LRRTM3: variants seen among roughly 807,000 people sequenced by gnomAD.
LRRTM3 encodes leucine rich repeat transmembrane neuronal 3, also known as leucine-rich repeat transmembrane neuronal protein 3.
Under a neutral mutation model 44.7 loss-of-function variants are expected in LRRTM3, and 24 were observed. The observed-to-expected ratio is 0.54, with a 90% confidence interval of 0.39 to 0.76. The LOEUF is 0.76. LRRTM3 is among the 30% of genes least tolerant of loss of function. The pLI, the probability that LRRTM3 is intolerant of heterozygous loss-of-function variation, is 0.00. For missense variants in LRRTM3, 587 were observed against 702.2 expected (o/e 0.84, Z 1.85); for synonymous variants, 277 against 278.7 (o/e 0.99, Z 0.06).
At chr10:66,928,613 T>C (rs910624164) in intron 2 of LRRTM3, among the ~76,000 whole-genome samples, 161 bp downstream of exon 2, 1 of 152,158 alleles carries the variant, frequency 6.6e-6, no homozygotes, top group Non-Finnish European at 1.5e-5. Flanking sequence ...AGTGCATTCA[T>C]AATACTGGTC....
At chr10:67,016,503 G>T (rs1409430450) in intron 2 of LRRTM3, among the ~76,000 whole-genome samples, 1 of 152,138 alleles carries the variant, frequency 6.6e-6, no homozygotes, top group African/African-American at 2.4e-5. Flanking sequence ...GTAGAGAATA[G>T]AACGAGGTTG....
chr10:66,932,966 A>C (rs1847492329), intron 2 of LRRTM3, among the ~76,000 whole-genome samples: 1 of 152,236 alleles, frequency 6.6e-6, no homozygotes, highest in Admixed American at 6.5e-5. Flanking sequence ...TCACAGGTAC[A>C]TTTCCTGGCT....
intron 2 of LRRTM3, among the ~76,000 whole-genome samples, chr10:67,074,444 G>A (rs1329523470): frequency 3.6e-5 from 5 of 136,998 alleles, no homozygotes; most frequent in African/African-American, 5.5e-5. Context: ...TCCACCTCCC[G>A]GGTTCACGCC....
intron 2 of LRRTM3, among the ~76,000 whole-genome samples, chr10:67,075,723 G>T (rs956092790): frequency 2.6e-5 from 4 of 152,176 alleles, no homozygotes; most frequent in Non-Finnish European, 5.9e-5. Flanking sequence ...TGAACTGTGG[G>T]TTCACTAAAA....
intron 2 of LRRTM3, among the ~76,000 whole-genome samples, chr10:66,941,988 C>A (rs1438060365): frequency 6.6e-6 from 1 of 152,104 alleles, no homozygotes; most frequent in Non-Finnish European, 1.5e-5. Flanking sequence ...ACTTCGAATC[C>A]ACTAGACCTG....
At chr10:66,932,750 T>C (rs536061581) in intron 2 of LRRTM3, among the ~76,000 whole-genome samples, 2 of 152,210 alleles carry the variant, frequency 1.3e-5, no homozygotes, top group Non-Finnish European at 2.9e-5. Flanking sequence ...CTAATCATAA[T>C]AGCCTACAGA....
intron 2 of LRRTM3, among the ~76,000 whole-genome samples, chr10:67,075,448 C>T (rs1394092293): frequency 6.6e-6 from 1 of 151,966 alleles, no homozygotes; most frequent in African/African-American, 2.4e-5. Context: ...GGTCTGGGCA[C>T]AAGTAGGACA....
At chr10:66,933,222 G>C (rs1847508294) in intron 2 of LRRTM3, among the ~76,000 whole-genome samples, 2 of 152,310 alleles carry the variant, frequency 1.3e-5, no homozygotes, top group Admixed American at 1.3e-4. Flanking sequence ...TAGAAGTCTA[G>C]AACATCGTCT....
At chr10:66,971,068 G>GA (rs950892382) in intron 2 of LRRTM3, among the ~76,000 whole-genome samples, 3 of 151,622 alleles carry the variant, frequency 2.0e-5, no homozygotes, top group Admixed American at 6.6e-5. Context: ...CATCTTAAAG[G>GA]AAAAAAAATG....
intron 2 of LRRTM3, chr10:67,052,550 ACATTTG>A (rs1044480569): frequency 6.6e-6 from 1 of 152,194 alleles, no homozygotes; most frequent in Admixed American, 6.5e-5. Context: ...ATTATCATAA[ACATTTG>A]TATTTCTTAT....
At chr10:67,038,943 T>A (rs949132631) in intron 2 of LRRTM3, among the ~76,000 whole-genome samples, 21 of 152,164 alleles carry the variant, frequency 1.4e-4, no homozygotes, top group African/African-American at 4.8e-4. Flanking sequence ...ATGTAAAAAA[T>A]AGTCTTTTGA....
At chr10:67,030,242 C>A (rs765697443) in intron 2 of LRRTM3, among the ~76,000 whole-genome samples, 24 of 152,166 alleles carry the variant, frequency 1.6e-4, no homozygotes, top group Non-Finnish European at 3.4e-4. Context: ...GCATTCTGCT[C>A]TACATAATGG....
rs775674319 is a variant in LRRTM3, at chr10:66,927,266, G to A, written c.350G>A (p.Ser117Asn). 2.6e-5 allele frequency: 42 copies of A among 1,613,824 alleles called. No homozygotes were observed. Among genetic ancestry groups the A allele is most frequent in the Admixed American group, 5.0e-5 (3 of 59,994 alleles). The change falls in exon 2 of 3, where the codon AGT (serine) becomes AAT (asparagine). Residue 117 changes from serine to asparagine, a missense_variant. By Grantham distance (46) the Ser-to-Asn change is conservative (BLOSUM62 1). Transcript: ENST00000361320. This position sits in a 1 kb window ranked among gnomAD's most constrained non-coding sequence, Gnocchi z 4.7. ...GIRRLKELIL[S>N]SNRISYFLNN... is the part of the protein sequence containing the mutation. ...CGCAGACTCAAAGAGCTGATTCTTA[G>A]TTCCAATAGAATCTCCTATTTTCTT...
chr10:67,069,180 C>T (rs1458011210), intron 2 of LRRTM3, among the ~76,000 whole-genome samples: 1 of 151,968 alleles, frequency 6.6e-6, no homozygotes, highest in Non-Finnish European at 1.5e-5. Flanking sequence ...GCTATAGTCT[C>T]AAACTTGATT....
intron 2 of LRRTM3, among the ~76,000 whole-genome samples, chr10:67,071,513 T>C (rs1372905417): frequency 5.9e-4 from 22 of 37,478 alleles, no homozygotes; most frequent in Admixed American, 4.4e-3. Context: ...GTTTTTTTTG[T>C]TTGTTTGTTT....
intron 2 of LRRTM3, among the ~76,000 whole-genome samples, chr10:67,069,713 A>C (rs1856330391): frequency 6.6e-6 from 1 of 152,094 alleles, no homozygotes; most frequent in Non-Finnish European, 1.5e-5. Flanking sequence ...GTCTCACTCA[A>C]CATTATGTTT....
At chr10:67,011,724 T>C (rs1479782966) in intron 2 of LRRTM3, among the ~76,000 whole-genome samples, 1 of 152,220 alleles carries the variant, frequency 6.6e-6, no homozygotes, top group African/African-American at 2.4e-5. Flanking sequence ...AAGCACTTTA[T>C]ATGTATGAAC....
At chr10:67,035,301 T>C (rs1853977352) in intron 2 of LRRTM3, among the ~76,000 whole-genome samples, 2 of 152,230 alleles carry the variant, frequency 1.3e-5, no homozygotes, top group Non-Finnish European at 1.5e-5. Context: ...AAGAATTGCA[T>C]ATAACATCAT....
chr10:66,939,876 T>A (rs1198642640), intron 2 of LRRTM3, among the ~76,000 whole-genome samples: 2 of 152,340 alleles, frequency 1.3e-5, no homozygotes, highest in East Asian at 3.9e-4. Context: ...CTTGTAACAA[T>A]CTTCCAAGAA....
Sources: allele counts gnomAD v4.1 joint callset (sites outside exome capture counted in the v4.1 genomes callset), GRCh38; gene constraint gnomAD v4.1.1; non-coding constraint Gnocchi (gnomAD v3.1); transcripts MANE v1.5; gene names NCBI Gene and HGNC (gene_info 2026-07-23, HGNC 2026-07-21).